PPM1L: variants seen among roughly 807,000 people sequenced by gnomAD.
The protein encoded by PPM1L is protein phosphatase 1L.
A neutral mutation model predicts 31.4 loss-of-function variants in PPM1L; 13 were observed. That is an observed-to-expected ratio of 0.41 (90% confidence interval 0.27 to 0.66). The LOEUF (loss-of-function observed/expected upper bound fraction) is 0.66. Ranked by LOEUF, PPM1L falls within the 30% of genes least tolerant of loss-of-function variation. The pLI is 0.29. For synonymous variants in PPM1L, 184 were observed against 175.4 expected (o/e 1.05, Z -0.39); for missense variants, 326 against 453.7 (o/e 0.72, Z 2.56).
chr3:160,808,298 T>C, intron 1 of PPM1L, among the ~76,000 whole-genome samples: 1 of 150,034 alleles, frequency 6.7e-6, no homozygotes, highest in South Asian at 2.1e-4. Context: ...TCTGTGTGTG[T>C]GTGTGTGTGT....
intron 2 of PPM1L, among the ~76,000 whole-genome samples, chr3:161,001,138 C>G (rs1717465592): frequency 1.3e-5 from 2 of 152,104 alleles, no homozygotes; most frequent in Admixed American, 1.3e-4. Context: ...GTCAGTTATT[C>G]TGTTCTTCTA....
chr3:160,873,705 G>A (rs1712400339), intron 1 of PPM1L, among the ~76,000 whole-genome samples: 1 of 152,022 alleles, frequency 6.6e-6, no homozygotes, highest in African/African-American at 2.4e-5. Flanking sequence ...ATGCCACCAA[G>A]CCTGGCTAAT....
At chr3:160,952,578 T>A (rs1041888825) in intron 1 of PPM1L, among the ~76,000 whole-genome samples, 1 of 152,214 alleles carries the variant, frequency 6.6e-6, no homozygotes, top group Non-Finnish European at 1.5e-5. Context: ...CCCTTGTATG[T>A]CTTCCTCAGT....
intron 1 of PPM1L, among the ~76,000 whole-genome samples, chr3:160,837,352 A>T (rs1036547158): frequency 3.3e-5 from 5 of 152,242 alleles, no homozygotes; most frequent in African/African-American, 1.2e-4. Flanking sequence ...TTATAAGCTT[A>T]TAAGCCATGT....
At chr3:160,973,764 G>GT (rs75599237) in intron 2 of PPM1L, among the ~76,000 whole-genome samples, 3,764 of 87,424 alleles carry the variant, frequency 0.043, 208 homozygotes, top group East Asian at 0.072. Flanking sequence ...GAAAGGCCCT[G>GT]TTTTTTTTTT....
At chr3:160,821,123 G>T (rs16831516) in intron 1 of PPM1L, among the ~76,000 whole-genome samples, 1 of 151,840 alleles carries the variant, frequency 6.6e-6, no homozygotes, top group Admixed American at 6.6e-5. Flanking sequence ...GAGAATCACC[G>T]GTCATGGCCC....
chr3:160,916,713 A>G (rs192434226), intron 1 of PPM1L, among the ~76,000 whole-genome samples: 105 of 152,106 alleles, frequency 6.9e-4, no homozygotes, highest in African/African-American at 1.9e-3. Flanking sequence ...TTTGAGAAAC[A>G]TATGTTTCTA....
intron 1 of PPM1L, among the ~76,000 whole-genome samples, chr3:160,858,748 C>T (rs1277700325): frequency 6.6e-6 from 1 of 152,068 alleles, no homozygotes; most frequent in Non-Finnish European, 1.5e-5. Context: ...TATTAATTTA[C>T]CTGTTTAAAT....
At chr3:160,839,502 TACATCAGGCTTTCTTAGCCTG>T (rs1235624636) in intron 1 of PPM1L, among the ~76,000 whole-genome samples, 2 of 152,300 alleles carry the variant, frequency 1.3e-5, no homozygotes, top group East Asian at 3.9e-4. Flanking sequence ...TTATTATGGA[TACATCAGGCTTTCTTAGCCTG>T]ATATCATTAA....
chr3:160,982,434 C>G (rs902070813), intron 2 of PPM1L, among the ~76,000 whole-genome samples: 1 of 152,152 alleles, frequency 6.6e-6, no homozygotes, highest in Non-Finnish European at 1.5e-5. Context: ...CTTTATCACT[C>G]CCTCCTCCCT....
intron 2 of PPM1L, among the ~76,000 whole-genome samples, chr3:161,052,399 T>C (rs77455290): frequency 0.012 from 1,819 of 152,324 alleles, 40 homozygotes; most frequent in African/African-American, 0.042. Flanking sequence ...GCAGGAAAAC[T>C]CACTGTTTGC....
At chr3:160,851,064 T>C (rs1264063178) in intron 1 of PPM1L, among the ~76,000 whole-genome samples, 2 of 152,090 alleles carry the variant, frequency 1.3e-5, no homozygotes, top group African/African-American at 4.8e-5. Context: ...TTAATTTTCT[T>C]CCCTCTGTCA....
intron 2 of PPM1L, among the ~76,000 whole-genome samples, chr3:161,016,508 T>G (rs923233858): frequency 7.2e-5 from 11 of 152,124 alleles, no homozygotes; most frequent in African/African-American, 2.7e-4. Flanking sequence ...GGAGGAGAGA[T>G]GGAGGGAGAT....
chr3:160,838,786 CAGA>C (rs1166500967), intron 1 of PPM1L, among the ~76,000 whole-genome samples: 5 of 152,062 alleles, frequency 3.3e-5, no homozygotes, highest in Non-Finnish European at 1.5e-5. Flanking sequence ...GATTATGATA[CAGA>C]AGGAGCTCTA....
At chr3:161,065,025 C>T (rs963291779) in intron 2 of PPM1L, among the ~76,000 whole-genome samples, 1 of 151,932 alleles carries the variant, frequency 6.6e-6, no homozygotes. Context: ...CCACTTCCAA[C>T]TGGGACTTCA....
chr3:160,814,729 A>ATG (rs1164214224), intron 1 of PPM1L, among the ~76,000 whole-genome samples: 138 of 147,610 alleles, frequency 9.3e-4, no homozygotes, highest in African/African-American at 3.5e-3. Flanking sequence ...GTATACGTGT[A>ATG]TATATGTATA....
intron 1 of PPM1L, among the ~76,000 whole-genome samples, chr3:160,800,471 G>T (rs1287461544): frequency 1.3e-5 from 2 of 151,968 alleles, no homozygotes; most frequent in African/African-American, 4.8e-5. Context: ...ATGATATATT[G>T]AGGTAGATTT....
chr3:161,022,270 C>T (rs1718255767), intron 2 of PPM1L: 1 of 570,788 alleles, frequency 1.8e-6, no homozygotes. Context: ...TTTAATATAC[C>T]ACTATTCCCT....
At chr3:160,869,047 A>G (rs1171423613) in intron 1 of PPM1L, among the ~76,000 whole-genome samples, 1 of 152,212 alleles carries the variant, frequency 6.6e-6, no homozygotes, top group Non-Finnish European at 1.5e-5. Context: ...TGAACCAGGA[A>G]TGCGGGCTTT....
Sources: gnomAD v4.1 joint callset for allele counts (sites outside exome capture counted in the v4.1 genomes callset) on GRCh38, gnomAD v4.1.1 for gene constraint, MANE v1.5 for transcripts, NCBI Gene and HGNC (gene_info 2026-07-23, HGNC 2026-07-21) for gene names.